Variants in PDE10A observed in about 807,000 individuals in gnomAD.
The protein encoded by PDE10A is cAMP and cAMP-inhibited cGMP 3',5'-cyclic phosphodiesterase 10A.
Under a neutral mutation model 97.7 loss-of-function variants are expected in PDE10A, and 39 were observed. The observed-to-expected ratio is 0.40, with a 90% CI of 0.31 to 0.52. PDE10A has a LOEUF of 0.52. PDE10A is among the 20% of genes least tolerant of loss of function. The pLI is 0.56. For synonymous variants in PDE10A, 371 were observed against 376.8 expected, an observed-to-expected ratio of 0.98 and a Z score of 0.18; for missense variants, 731 against 1,047.8, an observed-to-expected ratio of 0.70 and a Z score of 4.17.
intron 1 of PDE10A, among the ~76,000 whole-genome samples, chr6:165,950,528 T>C (rs561594812): frequency 6.6e-6 from 1 of 152,332 alleles, no homozygotes; most frequent in African/African-American, 2.4e-5. Flanking sequence ...CACAGAAGGC[T>C]TTGCCAGCTC....
chr6:165,611,746 T>G (rs1787504797), intron 1 of PDE10A, among the ~76,000 whole-genome samples: 1 of 152,234 alleles, frequency 6.6e-6, no homozygotes, highest in African/African-American at 2.4e-5. Context: ...TGCCACAATA[T>G]TTGGATTAGA....
intron 3 of PDE10A, among the ~76,000 whole-genome samples, chr6:165,474,604 T>C (rs1356970843): frequency 6.6e-6 from 1 of 152,120 alleles, no homozygotes; most frequent in African/African-American, 2.4e-5. Flanking sequence ...CATGGGTACA[T>C]TGTGACATGG....
chr6:165,788,412 G>A (rs1261108459), intron 1 of PDE10A, among the ~76,000 whole-genome samples: 4 of 150,556 alleles, frequency 2.7e-5, no homozygotes. Flanking sequence ...AGCTACTTGG[G>A]AGGCTGAGGC....
intron 3 of PDE10A, among the ~76,000 whole-genome samples, chr6:165,470,634 G>A (rs181601162): frequency 2.6e-5 from 4 of 152,152 alleles, no homozygotes; most frequent in Admixed American, 2.0e-4. Flanking sequence ...ATTTGGTTAC[G>A]CTTGTTTTTC....
At chr6:165,695,979 G>A (rs1156518101) in intron 1 of PDE10A, among the ~76,000 whole-genome samples, 1 of 152,194 alleles carries the variant, frequency 6.6e-6, no homozygotes, top group African/African-American at 2.4e-5. Flanking sequence ...GAACCTCTGT[G>A]TGAAGTCAAG....
At chr6:165,843,243 T>C (rs964638425) in intron 1 of PDE10A, among the ~76,000 whole-genome samples, 1 of 152,104 alleles carries the variant, frequency 6.6e-6, no homozygotes, top group African/African-American at 2.4e-5. Context: ...GAAGATGCCT[T>C]ATAGGCTCGC....
chr6:165,504,141 A>G (rs1224235814), intron 2 of PDE10A, among the ~76,000 whole-genome samples: 4 of 152,166 alleles, frequency 2.6e-5, no homozygotes, highest in Admixed American at 1.3e-4. Context: ...GAATCCTACC[A>G]AGTAGAGATA....
chr6:165,753,111 C>T (rs955264236), intron 1 of PDE10A, among the ~76,000 whole-genome samples: 3 of 152,234 alleles, frequency 2.0e-5, no homozygotes, highest in East Asian at 1.9e-4. Context: ...GTTGTTAGCA[C>T]GTGAGGGAAA....
At chr6:165,653,863 G>C (rs1484481745) in intron 1 of PDE10A, among the ~76,000 whole-genome samples, 1 of 152,118 alleles carries the variant, frequency 6.6e-6, no homozygotes, top group Non-Finnish European at 1.5e-5. Context: ...CACCGTGCCA[G>C]CTTTCTCCGT....
intron 1 of PDE10A, among the ~76,000 whole-genome samples, chr6:165,740,998 T>C (rs1384295556): frequency 3.9e-5 from 6 of 152,104 alleles, no homozygotes; most frequent in Non-Finnish European, 5.9e-5. Flanking sequence ...ATAATACTAA[T>C]AATTATTGGT....
chr6:165,542,103 G>C (rs1406309936), intron 2 of PDE10A, among the ~76,000 whole-genome samples: 1 of 151,992 alleles, frequency 6.6e-6, no homozygotes, highest in Non-Finnish European at 1.5e-5. Flanking sequence ...CCCCCAAATA[G>C]TATCTTTGTG....
chr6:165,812,452 T>C (rs1779307930), intron 1 of PDE10A, among the ~76,000 whole-genome samples: 2 of 152,108 alleles, frequency 1.3e-5, no homozygotes, highest in African/African-American at 2.4e-5. Context: ...AAGTGTCCTC[T>C]CATTAAGTAT....
At chr6:165,955,509 C>CA (rs1278436045) in intron 1 of PDE10A, among the ~76,000 whole-genome samples, 1 of 152,198 alleles carries the variant, frequency 6.6e-6, no homozygotes, top group African/African-American at 2.4e-5. Context: ...CGTCTACCTC[C>CA]ACCGTCTGCC....
chr6:165,899,067 G>A (rs1449692379), intron 1 of PDE10A, among the ~76,000 whole-genome samples: 3 of 152,184 alleles, frequency 2.0e-5, no homozygotes, highest in Admixed American at 1.3e-4. Context: ...CATGGGGACA[G>A]GGGCTTTGTT....
rs577684781 is a variant in PDE10A at position 165,375,998 on chromosome 6, A to G, written c.2783+3196T>C. On this transcript the variant is annotated intron_variant, in intron 18 of 21. Coordinates refer to ENST00000539869, the MANE Select transcript of PDE10A (RefSeq NM_001385079.1). ...AAGTCACTCAAGAGCTCTGATGGAC[A>G]TGCACATGATTAATGCATTTTCAAG... 1.4e-3 allele frequency among the ~76,000 whole-genome samples: 209 copies of G among 152,360 alleles called. 4 individuals carry two copies. The highest frequency in any genetic ancestry group is 4.9e-3 in the African/African-American group (202 of 41,586).
intron 1 of PDE10A, among the ~76,000 whole-genome samples, chr6:165,966,639 A>G (rs1325416331): frequency 2.0e-5 from 3 of 152,338 alleles, no homozygotes; most frequent in Middle Eastern, 3.4e-3. Flanking sequence ...ACAAACATCC[A>G]TTGAATCCTT....
chr6:165,516,416 T>C (rs952353022), intron 2 of PDE10A, among the ~76,000 whole-genome samples: 2 of 152,194 alleles, frequency 1.3e-5, no homozygotes, highest in African/African-American at 4.8e-5. Flanking sequence ...ATATGAGTCA[T>C]AGTATTCTCA....
chr6:165,583,719 G>A (rs1785745584), intron 1 of PDE10A, among the ~76,000 whole-genome samples: 1 of 152,136 alleles, frequency 6.6e-6, no homozygotes, highest in Admixed American at 6.5e-5. Flanking sequence ...CAGCGCTGGG[G>A]CAATGTTCTG....
At chr6:165,621,344 A>G (rs987752162) in intron 1 of PDE10A, among the ~76,000 whole-genome samples, 3 of 152,128 alleles carry the variant, frequency 2.0e-5, no homozygotes, top group African/African-American at 7.2e-5. Context: ...AGCATTGCCT[A>G]TAATGCTTAT....
Sources: allele counts gnomAD v4.1 joint callset (sites outside exome capture counted in the v4.1 genomes callset), GRCh38; gene constraint gnomAD v4.1.1; transcripts MANE v1.5; gene names NCBI Gene and HGNC (gene_info 2026-07-23, HGNC 2026-07-21).